Variants in PRDM11 observed in about 807,000 individuals in gnomAD.
The protein encoded by PRDM11 is PR/SET domain 11.
A neutral mutation model predicts 97.8 loss-of-function variants in PRDM11; 20 were observed. The observed-to-expected ratio is 0.20, with a 90% CI of 0.14 to 0.30. PRDM11 has a LOEUF of 0.30. Ranked by LOEUF, PRDM11 falls within the 10% of genes least tolerant of loss-of-function variation. The pLI is 1.00. For synonymous variants in PRDM11, 599 were observed against 637.7 expected, an observed-to-expected ratio of 0.94 and a Z score of 0.91; for missense variants, 1,139 against 1,555.2, an observed-to-expected ratio of 0.73 and a Z score of 4.50.
At chr11:45,098,672 G>A (rs987596562) in intron 1 of PRDM11, among the ~76,000 whole-genome samples, 1 of 152,140 alleles carries the variant, frequency 6.6e-6, no homozygotes, top group Non-Finnish European at 1.5e-5. Context: ...ATTCAATTAA[G>A]TCTAGAAAGG....
At chr11:45,165,530 C>T (rs755411016) in intron 1 of PRDM11, among the ~76,000 whole-genome samples, 2 of 152,176 alleles carry the variant, frequency 1.3e-5, no homozygotes, top group African/African-American at 2.4e-5. Context: ...CCAGCCCAGG[C>T]GGGGGGCACA....
At chr11:45,146,124 C>T (rs1236573868), upstream of PRDM11, among the ~76,000 whole-genome samples, 7 of 152,236 alleles carry the variant, frequency 4.6e-5, no homozygotes, top group Admixed American at 2.0e-4. Flanking sequence ...GCCCCTCACC[C>T]TCAGCCTTCG....
At chr11:45,135,586 G>A (rs1054668225) in intron 1 of PRDM11, among the ~76,000 whole-genome samples, 6 of 152,112 alleles carry the variant, frequency 3.9e-5, no homozygotes, top group African/African-American at 9.7e-5. Flanking sequence ...AAACTATCAC[G>A]TACCTAGAAA....
Position 45,183,067 on chromosome 11 carries a change from C to T in PRDM11, c.430C>T (p.Pro144Ser). Residue 144 changes from proline to serine, a missense_variant, in exon 4 of 8, where the codon CCC (proline) becomes TCC (serine). Physicochemically the swap from Pro to Ser is moderately conservative, Grantham distance 74. This residue lies in a region of PRDM11 where 429 missense variants were observed against 510.3 expected (regional missense o/e 0.84). Transcript: ENST00000683152. ...CATCCCCAAGGGCCACATCTTCGGC[C>T]CCTATGAGGGGCAGATCTCCACCCA... ...EVIPKGHIFG[P>S]YEGQISTQDK... 6.2e-7 allele frequency: 1 copy of T among 1,613,930 alleles called. No individual in the cohort carries two copies. The highest frequency in any genetic ancestry group is 8.5e-7 in the Non-Finnish European group (1 of 1,179,982).
At chr11:45,095,708 TAAC>T, upstream of PRDM11, 1 of 674,318 alleles carries the variant, frequency 1.5e-6, no homozygotes. Context: ...ATTCTCTTTT[TAAC>T]CCTTCTGCTT....
At chr11:45,172,179 C>G (rs1852218387) in intron 1 of PRDM11, among the ~76,000 whole-genome samples, 1 of 152,248 alleles carries the variant, frequency 6.6e-6, no homozygotes, top group African/African-American at 2.4e-5. Flanking sequence ...GATGGAAGAG[C>G]TGTGCAGGGC....
At chr11:45,152,816 T>C (rs976637237) in intron 1 of PRDM11, among the ~76,000 whole-genome samples, 1 of 152,214 alleles carries the variant, frequency 6.6e-6, no homozygotes, top group Non-Finnish European at 1.5e-5. Flanking sequence ...TCCTGAGCCC[T>C]CCGGCCTAAC....
rs34073689 is a variant in PRDM11 at position 45,117,226 on chromosome 11, C to CAA, written c.96+21345_96+21346dup. Among the ~76,000 whole-genome samples, 125 of 81,974 alleles carry CAA rather than the reference C, an allele frequency of 1.5e-3. 2 individuals are homozygous for CAA. Among genetic ancestry groups the CAA allele is most frequent in the African/African-American group, 3.3e-3 (65 of 19,696 alleles). 53.8% of individuals were successfully genotyped at this position (81,974 alleles called of 152,430 possible). On this transcript the variant is annotated intron_variant, in intron 1 of 6. Coordinates refer to the PRDM11 transcript ENST00000530656. ...AACAGAGTGAGATGAGACTCCATCT[C>CAA]AAAAAAAAAAAAAAAAAAAAAGAGT... is the stretch of plus-strand genomic sequence containing the variant.
At chr11:45,224,923 T>A (rs746740246) in intron 7 of PRDM11, 80 bp downstream of exon 7, 5 of 1,598,242 alleles carry the variant, frequency 3.1e-6, no homozygotes, top group Non-Finnish European at 4.2e-6. Flanking sequence ...AAGCTCTCTG[T>A]GGAAACCACC....
At position 45,226,082 on chromosome 11, in the gene PRDM11, T is replaced by C. The variant is rs1182171923; in HGVS notation, c.1457T>C (p.Met486Thr). ...GCAGATGAATCTGTCTCCAATGATATGATGACAGCGACGGATGAGCCCTCC... is the reference window on the plus strand; with the variant it reads ...GCAGATGAATCTGTCTCCAATGATACGATGACAGCGACGGATGAGCCCTCC... ...DSADESVSND[M>T]MTATDEPSKM... is the part of the protein sequence containing the mutation. Residue 486 changes from methionine to threonine, a missense_variant, in exon 8 of 8, where the codon ATG becomes ACG. Met to Thr is a moderately conservative substitution (Grantham distance 81, BLOSUM62 -1). Around this residue, in one of 2 missense-constraint regions of PRDM11, gnomAD observed 710 missense variants for 1,044.9 expected, o/e 0.68. Coordinates refer to ENST00000683152, the MANE Select transcript of PRDM11 (RefSeq NM_001384648.1). 4 of 1,530,932 alleles carry C rather than the reference T, an allele frequency of 2.6e-6. No homozygotes were observed. Among genetic ancestry groups the C allele is most frequent in the Non-Finnish European group, 3.5e-6 (4 of 1,144,134 alleles). 94.8% of individuals were successfully genotyped at this position (1,530,932 alleles called of 1,614,324 possible).
intron 4 of PRDM11, among the ~76,000 whole-genome samples, chr11:45,201,694 G>T (rs1006460924): frequency 1.1e-4 from 17 of 152,090 alleles, no homozygotes; most frequent in African/African-American, 4.1e-4. Flanking sequence ...GAGGCTGGGC[G>T]CAGTGGCTCA....
chr11:45,097,885 G>A (rs759618330), intron 1 of PRDM11, among the ~76,000 whole-genome samples: 2 of 152,244 alleles, frequency 1.3e-5, no homozygotes, highest in Non-Finnish European at 2.9e-5. Flanking sequence ...AGTTCTCCAA[G>A]GAATTTGGAA....
At chr11:45,115,891 T>C (rs1314041015) in intron 1 of PRDM11, among the ~76,000 whole-genome samples, 2 of 148,832 alleles carry the variant, frequency 1.3e-5, no homozygotes, top group Non-Finnish European at 3.0e-5. Flanking sequence ...GATCATGCCA[T>C]TGCACTCCAG....
chr11:45,213,299 G>A (rs1008338798), intron 5 of PRDM11: 14 of 456,384 alleles, frequency 3.1e-5, no homozygotes, highest in African/African-American at 1.8e-4. Flanking sequence ...CCTGGAGATC[G>A]TTCTCCTCTT....
At chr11:45,209,897 G>A (rs1450666894) in intron 5 of PRDM11, among the ~76,000 whole-genome samples, 2 of 152,222 alleles carry the variant, frequency 1.3e-5, no homozygotes, top group Non-Finnish European at 2.9e-5. Context: ...AGCGGACTAG[G>A]ATGTGAAGAG....
intron 1 of PRDM11, among the ~76,000 whole-genome samples, chr11:45,179,068 G>C (rs16938184): frequency 0.025 from 3,778 of 152,248 alleles, 109 homozygotes; most frequent in African/African-American, 0.07. Context: ...GTGTTCTGCA[G>C]GCTAGGACTC....
At chr11:45,169,973 C>T (rs1223287299) in intron 1 of PRDM11, among the ~76,000 whole-genome samples, 2 of 152,314 alleles carry the variant, frequency 1.3e-5, no homozygotes, top group East Asian at 3.9e-4. Context: ...CTCTACCTTC[C>T]TGGAGCTGAC....
upstream of PRDM11, among the ~76,000 whole-genome samples, chr11:45,145,560 G>T (rs1354705549): frequency 2.0e-5 from 3 of 152,214 alleles, no homozygotes. Context: ...GTGGATGTTT[G>T]GGGAAAGCAC....
intron 1 of PRDM11, among the ~76,000 whole-genome samples, chr11:45,100,523 T>C (rs1851954383): frequency 6.6e-6 from 1 of 152,210 alleles, no homozygotes; most frequent in South Asian, 2.1e-4. Flanking sequence ...CTCCCTCCCC[T>C]TCTCAAGCCA....
Sources: gnomAD v4.1 joint callset for allele counts (sites outside exome capture counted in the v4.1 genomes callset) on GRCh38, gnomAD v4.1.1 for gene constraint, gnomAD v4.1.1 regional missense constraint, MANE v1.5 for transcripts, NCBI Gene and HGNC (gene_info 2026-07-23, HGNC 2026-07-21) for gene names.